The following ADAP1 variants were observed in gnomAD, a reference collection of about 807,000 sequenced individuals.
The protein encoded by ADAP1 is ArfGAP with dual PH domains 1.
Under a neutral mutation model 54.9 loss-of-function variants are expected in ADAP1, and 31 were observed. The ratio of observed to expected loss-of-function variants is 0.56; its 90% CI spans 0.42 to 0.76. ADAP1 has a LOEUF of 0.76. Ranked by LOEUF, ADAP1 falls within the 30% of genes least tolerant of loss-of-function variation. The pLI is 0.00. For synonymous variants in ADAP1, 313 were observed against 202.6 expected, an observed-to-expected ratio of 1.55 and a Z score of -4.63; for missense variants, 535 against 512.4, an observed-to-expected ratio of 1.04 and a Z score of -0.42.
chr7:905,574 A>AGAAAGGAGAAAGG (rs1845172475), intron 4 of ADAP1: 1 of 21,954 alleles, frequency 4.6e-5, no homozygotes, highest in Non-Finnish European at 7.0e-5. Context: ...AGGAGAAAGG[A>AGAAAGGAGAAAGG]GAAAGGAGAA....
rs1846172924 is a variant in ADAP1, at chr7:920,975, A to G, written c.306-925T>C. ...AGACTGGGCGGGAATCCTCGCCCACAGGATCTGATGGGTGATGGGTCCCAG... is the reference window on the plus strand; with the variant it reads ...AGACTGGGCGGGAATCCTCGCCCACGGGATCTGATGGGTGATGGGTCCCAG... On this transcript the variant is annotated intron_variant, in intron 3 of 10. Coordinates refer to ENST00000265846, the MANE Select transcript of ADAP1 (RefSeq NM_006869.4). The surrounding 1 kb of genome is among the most constrained non-coding windows in gnomAD (Gnocchi z 4.5). 9 of 1,035,266 alleles carry G rather than the reference A, an allele frequency of 8.7e-6. No individual in the cohort carries two copies. Among genetic ancestry groups the G allele is most frequent in the Non-Finnish European group, 1.3e-5 (9 of 704,672 alleles). The allele number at this position is 1,035,266 out of a possible 1,614,324, so 64.1% of individuals were successfully genotyped here.
chr7:950,473 G>GCA, intron 1 of ADAP1, among the ~76,000 whole-genome samples: 1 of 130,700 alleles, frequency 7.7e-6, no homozygotes, highest in Middle Eastern at 5.2e-3. Flanking sequence ...GCGACAGAAT[G>GCA]AGACTCTGCC....
intron 4 of ADAP1, among the ~76,000 whole-genome samples, chr7:917,753 G>C (rs1405231122): frequency 6.6e-6 from 1 of 151,932 alleles, no homozygotes; most frequent in Non-Finnish European, 1.5e-5. Context: ...TTCTTGGGGT[G>C]AGATTCACAA....
chr7:954,433 C>A lies in ADAP1; in HGVS notation c.45G>T (p.Arg15=). ...AGTCCGCGCAGCGCGCGTTCCCCGG[C>A]CGCTGCAGCAGCTCCAGGACCGCCC... The part of the protein sequence containing the change: ...RRRAVLELLQ[R]PGNARCADCG... The change falls in exon 1 of 11, where the codon CGG becomes CGT. Residue 15 remains arginine (R), a synonymous_variant. Coordinates refer to ENST00000265846, the MANE Select transcript of ADAP1 (RefSeq NM_006869.4). 8.8e-7 allele frequency: 1 copy of A among 1,139,130 alleles called. No homozygotes were observed. The highest frequency in any genetic ancestry group is 3.8e-5 in the Admixed American group (1 of 26,024). The allele number at this position is 1,139,130 out of a possible 1,614,324, so 70.6% of individuals were successfully genotyped here.
chr7:949,155 C>T (rs1217794998), intron 1 of ADAP1, among the ~76,000 whole-genome samples: 2 of 152,252 alleles, frequency 1.3e-5, no homozygotes, highest in African/African-American at 4.8e-5. Flanking sequence ...GGGCAAGGCA[C>T]TCAGTACATG....
At position 908,951 on chromosome 7, in the gene ADAP1, G is replaced by A. The variant is rs546185169; in HGVS notation, c.389-3779C>T. ...ACAGCGGGGGCCCCTTCCAGCGACC[G>A]GGCTCCCTAGGCCACAGGGTGGGGA... is the stretch of plus-strand genomic sequence containing the variant. On this transcript the variant is annotated intron_variant, in intron 4 of 10. Transcript: ENST00000265846. 1.0e-3 allele frequency among the ~76,000 whole-genome samples: 154 copies of A among 152,338 alleles called. 1 individual carries two copies. The highest frequency in any genetic ancestry group is 3.3e-3 in the African/African-American group (138 of 41,580).
At chr7:902,475 A>AAATGCCTGGGCGT (rs1491159593) in intron 6 of ADAP1, among the ~76,000 whole-genome samples, 226 of 142,186 alleles carry the variant, frequency 1.6e-3, no homozygotes, top group Non-Finnish European at 1.9e-3. Flanking sequence ...AAAAAAAGAA[A>AAATGCCTGGGCGT]GAAAAGAAAG....
At chr7:919,883 G>A (rs1846116202) in intron 4 of ADAP1, 85 bp downstream of exon 4, 2 of 808,332 alleles carry the variant, frequency 2.5e-6, no homozygotes, top group Non-Finnish European at 3.7e-6. Context: ...AAAGAGATGG[G>A]GGAGGGAGGG....
intron 5 of ADAP1, 117 bp downstream of exon 5, chr7:904,942 TC>T (rs1255253904): frequency 1.3e-5 from 11 of 859,252 alleles, no homozygotes; most frequent in South Asian, 4.5e-5. Flanking sequence ...AGCGTCCCCA[TC>T]GGGGGGGGCA....
chr7:904,315 C>T, intron 5 of ADAP1, 43 bp from the exon 6 acceptor site: 1 of 1,529,858 alleles, frequency 6.5e-7, no homozygotes, highest in Non-Finnish European at 8.8e-7. Flanking sequence ...GGGCCGTCGT[C>T]CAAGCTCAAG....
intron 2 of ADAP1, among the ~76,000 whole-genome samples, chr7:929,953 A>C (rs529036780): frequency 6.6e-6 from 1 of 151,612 alleles, no homozygotes; most frequent in African/African-American, 2.4e-5. Flanking sequence ...AAAATACAAA[A>C]ATTAGCCAGG....
Position 904,191 on chromosome 7 carries a change from G to C in ADAP1, c.583C>G (p.Leu195Val). ...TTGTCCTTCAGGTAGGTGACCTGCA[G>C]GCCGTGGGGGTGGCCGATCTTGGCC... ...QPAKIGHPHGLQVTYLKDNST... is the reference protein window; with the variant it reads ...QPAKIGHPHGVQVTYLKDNST... The change falls in exon 6 of 11, where the codon CTG (leucine) becomes GTG (valine). Residue 195 changes from leucine to valine, a missense_variant. By Grantham distance (32) the Leu-to-Val change is conservative. Coordinates refer to ENST00000265846, the MANE Select transcript of ADAP1 (RefSeq NM_006869.4). 1.9e-6 allele frequency: 3 copies of C among 1,612,218 alleles called. No homozygotes were observed. Among genetic ancestry groups the C allele is most frequent in the Non-Finnish European group, 2.5e-6 (3 of 1,179,646 alleles).
rs1255188472 is a variant in ADAP1, at chr7:954,461, C to G, written c.17G>C (p.Arg6Pro). Residue 6 changes from arginine (R) to proline (P), a missense_variant, in exon 1 of 11, where the codon CGC becomes CCC. Arg to Pro is a moderately radical substitution (Grantham distance 103, BLOSUM62 -2). Coordinates refer to ENST00000265846, the MANE Select transcript of ADAP1 (RefSeq NM_006869.4). MAKER[R>P]RAVLELLQRP... Reference sequence around the variant, plus strand: ...CTGCAGCAGCTCCAGGACCGCCCTGCGCCGCTCCTTGGCCATGGCCGCGAT... The same window carrying G: ...CTGCAGCAGCTCCAGGACCGCCCTGGGCCGCTCCTTGGCCATGGCCGCGAT... 1 of 1,064,020 alleles carries G rather than the reference C, an allele frequency of 9.4e-7. No individual in the cohort carries two copies. Among genetic ancestry groups the G allele is most frequent in the Middle Eastern group, 4.4e-4 (1 of 2,266 alleles). 65.9% of individuals were successfully genotyped at this position (1,064,020 alleles called of 1,614,324 possible).
intron 3 of ADAP1, among the ~76,000 whole-genome samples, chr7:925,481 C>T (rs945870343): frequency 6.6e-6 from 1 of 152,160 alleles, no homozygotes; most frequent in Admixed American, 6.5e-5. Context: ...CCCTATCCCC[C>T]AACCCCCACC....
Position 943,263 on chromosome 7 carries a change from G to T in ADAP1, c.83-7758C>A, listed in dbSNP as rs1023805295. Among the ~76,000 whole-genome samples, 34 of 31,956 alleles carry T rather than the reference G, an allele frequency of 1.1e-3. No homozygotes were observed. The East Asian group carries it at 0.019, about 18-fold the overall frequency. The allele number at this position is 31,956 out of a possible 152,430, so 21.0% of individuals were successfully genotyped here. On this transcript the variant is annotated intron_variant, in intron 1 of 10. Coordinates refer to ENST00000265846, the MANE Select transcript of ADAP1 (RefSeq NM_006869.4). Reference sequence around the variant, plus strand: ...GAGAGAGGAGGAGGAAGGGAGAGGAGGAGGAAGGGAGAGAGGAGGAGGAAG... The same window carrying T: ...GAGAGAGGAGGAGGAAGGGAGAGGATGAGGAAGGGAGAGAGGAGGAGGAAG...
rs1847120253 is a variant in ADAP1, at chr7:945,746, C to G, written c.82+8650G>C. ...AGCCTCTTTCCCTCCCTCCTCCCAG[C>G]CCCGCTCTGCCCTACCTGCTCCCAG... On this transcript the variant is annotated intron_variant, in intron 1 of 10. Transcript: ENST00000265846. The surrounding 1 kb of genome is among the most constrained non-coding windows in gnomAD (Gnocchi z 4.2). 2 of 985,884 alleles carry G rather than the reference C, an allele frequency of 2.0e-6. No individual in the cohort carries two copies. Among genetic ancestry groups the G allele is most frequent in the African/African-American group, 3.5e-5 (2 of 57,264 alleles). 61.1% of individuals were successfully genotyped at this position (985,884 alleles called of 1,614,324 possible). A position where few individuals can be genotyped will look rare whatever the true frequency, so the allele number is the denominator to read the frequency against.
chr7:931,358 C>A (rs1319270738), intron 2 of ADAP1, among the ~76,000 whole-genome samples: 1 of 152,198 alleles, frequency 6.6e-6, no homozygotes, highest in Non-Finnish European at 1.5e-5. Flanking sequence ...ATGAATAAAG[C>A]AAACGTGTTC....
chr7:910,986 G>C (rs927049157), intron 4 of ADAP1, among the ~76,000 whole-genome samples: 1 of 152,172 alleles, frequency 6.6e-6, no homozygotes, highest in African/African-American at 2.4e-5. Context: ...TCCTCTGTGA[G>C]CCCGCACAGG....
chr7:911,548 A>C (rs7799020), intron 4 of ADAP1, among the ~76,000 whole-genome samples: 2,217 of 138,286 alleles, frequency 0.016, 153 homozygotes, highest in East Asian at 0.13. Flanking sequence ...GGCGGGGATC[A>C]CACGGAGGGC....
Sources: gnomAD v4.1 joint callset for allele counts (sites outside exome capture counted in the v4.1 genomes callset) on GRCh38, gnomAD v4.1.1 for gene constraint, Gnocchi (gnomAD v3.1) non-coding constraint, MANE v1.5 for transcripts, NCBI Gene and HGNC (gene_info 2026-07-23, HGNC 2026-07-21) for gene names.